RICTOR: variants seen among roughly 807,000 people sequenced by gnomAD.
The protein encoded by RICTOR is RPTOR independent companion of MTOR complex 2.
RICTOR carries 49 observed loss-of-function variants against 214.9 expected under a neutral mutation model. The ratio of observed to expected loss-of-function variants is 0.23; its 90% CI spans 0.18 to 0.29. The LOEUF (loss-of-function observed/expected upper bound fraction) is 0.29, where lower values mean the gene tolerates loss of function less well. Among genes scored for constraint, RICTOR ranks in the 10% least tolerant of loss-of-function variants. The pLI, the probability that RICTOR is intolerant of heterozygous loss-of-function variation, is 1.00. For synonymous variants in RICTOR, 717 were observed against 711.3 expected, an observed-to-expected ratio of 1.01 and a Z score of -0.13; for missense variants, 1,625 against 2,047.0, an observed-to-expected ratio of 0.79 and a Z score of 3.98.
In RICTOR at chr5:38,987,612, A is replaced by G. The variant is rs1244542904; in HGVS notation, c.583+3337T>C. ...TTGATTCTTCTCTCTTTTCTTCTTT[A>G]TTAGTCTGGCTAGCGGTCTATTTTG... is the stretch of plus-strand genomic sequence containing the variant. On this transcript the variant is annotated intron_variant, in intron 7 of 37. Transcript: ENST00000357387. Among the ~76,000 whole-genome samples, 4 of 150,608 alleles carry G rather than the reference A, an allele frequency of 2.7e-5. No individual in the cohort carries two copies. In the Admixed American group the frequency reaches 2.7e-4, roughly 10 times the overall value.
In RICTOR at chr5:39,003,566, G is replaced by A. The variant is rs1385665273; in HGVS notation, c.252C>T (p.Ile84=). The change falls in exon 4 of 38, where the codon ATC becomes ATT. Residue 84 remains isoleucine, a synonymous_variant. Coordinates refer to ENST00000357387, the MANE Select transcript of RICTOR (RefSeq NM_152756.5). ...EEKLGFHYED[I]IICLRLALLN... ...GAATGAACCACACTTACCAAATTATGATATCCTCATAGTGAAAGCCCAGTT... is the reference window on the plus strand; with the variant it reads ...GAATGAACCACACTTACCAAATTATAATATCCTCATAGTGAAAGCCCAGTT... The A allele has an allele frequency of 1.2e-6, 2 of 1,603,514 alleles. No homozygotes were observed. Among genetic ancestry groups the A allele is most frequent in the Non-Finnish European group, 1.7e-6 (2 of 1,171,902 alleles).
intron 3 of RICTOR, among the ~76,000 whole-genome samples, chr5:39,019,835 T>C (rs1351837996): frequency 1.3e-5 from 2 of 152,218 alleles, no homozygotes; most frequent in East Asian, 3.8e-4. Context: ...ATTCCTCTGA[T>C]GGATCTGGGC....
intron 25 of RICTOR, among the ~76,000 whole-genome samples, chr5:38,957,200 G>A (rs1749332198): frequency 6.6e-6 from 1 of 152,118 alleles, no homozygotes; most frequent in African/African-American, 2.4e-5. Context: ...TTCATTCTCA[G>A]ATTTAGGTAA....
At chr5:38,954,723 GT>G (rs35716624) in intron 27 of RICTOR, 50 bp downstream of exon 27, 1,880 of 973,782 alleles carry the variant, frequency 1.9e-3, no homozygotes, top group Non-Finnish European at 2.3e-3. Flanking sequence ...TTAAGATTTT[GT>G]TTTTTTTTTA....
chr5:39,068,806 G>C (rs1310300415), intron 2 of RICTOR, among the ~76,000 whole-genome samples: 1 of 152,192 alleles, frequency 6.6e-6, no homozygotes, highest in African/African-American at 2.4e-5. Flanking sequence ...CAGATCTCTA[G>C]CTTGAATAAC....
At chr5:39,069,311 T>C (rs1759137030) in intron 2 of RICTOR, among the ~76,000 whole-genome samples, 2 of 152,174 alleles carry the variant, frequency 1.3e-5, no homozygotes, top group Admixed American at 1.3e-4. Context: ...TATCTCCCAC[T>C]TTCAGCCCAT....
intron 2 of RICTOR, among the ~76,000 whole-genome samples, chr5:39,032,817 G>A (rs1173514729): frequency 1.3e-5 from 2 of 152,206 alleles, no homozygotes; most frequent in African/African-American, 2.4e-5. Context: ...CAGAGACAGA[G>A]CAACATGGAC....
chr5:39,000,629 C>G (rs1234613803), intron 5 of RICTOR, among the ~76,000 whole-genome samples: 1 of 151,840 alleles, frequency 6.6e-6, no homozygotes, highest in African/African-American at 2.4e-5. Context: ...GTGCAATATT[C>G]TAACTCATGT....
intron 2 of RICTOR, among the ~76,000 whole-genome samples, chr5:39,055,901 G>A (rs1467828304): frequency 6.6e-6 from 1 of 152,108 alleles, no homozygotes; most frequent in African/African-American, 2.4e-5. Flanking sequence ...AAACAGATTT[G>A]CAAGTATTTC....
chr5:39,027,776 G>C (rs892574453), intron 2 of RICTOR, among the ~76,000 whole-genome samples: 1 of 152,102 alleles, frequency 6.6e-6, no homozygotes, highest in African/African-American at 2.4e-5. Context: ...CAGAACAATA[G>C]AAAGCAGTCT....
In RICTOR at chr5:39,058,931, A is replaced by G. The variant is rs910647672; in HGVS notation, c.97+15180T>C. ...CAAAAAAAAGTTCACCTATCTAGAC[A>G]TATTATTAACTGGCCAAAACCTGTT... On this transcript the variant is annotated intron_variant, in intron 2 of 37. Transcript: ENST00000357387. Among the ~76,000 whole-genome samples, 3 of 152,152 alleles carry G rather than the reference A, an allele frequency of 2.0e-5. No individual in the cohort carries two copies. The East Asian group carries it at 5.8e-4, about 29-fold the overall frequency.
At position 38,975,611 on chromosome 5, in the gene RICTOR, G is replaced by C. The variant is rs200899782; in HGVS notation, c.822-7C>G. 11 of 1,611,690 alleles carry C rather than the reference G, an allele frequency of 6.8e-6. No homozygotes were observed. In the Admixed American group the frequency reaches 1.7e-4, roughly 24 times the overall value. Reference sequence around the variant, plus strand: ...TCGTGCTTCTCTGTCTTCTCTGTTGGGGGTGGGGAGGCAGCGGGGAGAATC... The same window carrying C: ...TCGTGCTTCTCTGTCTTCTCTGTTGCGGGTGGGGAGGCAGCGGGGAGAATC... On this transcript the variant is annotated splice_polypyrimidine_tract_variant and splice_region_variant and intron_variant, in intron 9 of 37. Coordinates refer to ENST00000357387, the MANE Select transcript of RICTOR (RefSeq NM_152756.5).
Position 38,942,009 on chromosome 5 carries a change from T to C in RICTOR, c.*295A>G, listed in dbSNP as rs775125617. On this transcript the variant is annotated 3_prime_UTR_variant, in exon 38 of 38. Transcript: ENST00000357387. Reference sequence around the variant, plus strand: ...ATTATGCTTTTAAAATGAAAGAAAATAGAAAACCTATGTAGGTATTCAGTG... The same window carrying C: ...ATTATGCTTTTAAAATGAAAGAAAACAGAAAACCTATGTAGGTATTCAGTG... 4 of 287,782 alleles carry C rather than the reference T, an allele frequency of 1.4e-5. No individual in the cohort carries two copies. Among genetic ancestry groups the C allele is most frequent in the Non-Finnish European group, 2.6e-5 (4 of 155,502 alleles). 17.8% of individuals were successfully genotyped at this position (287,782 alleles called of 1,614,324 possible).
At chr5:38,948,042 C>T (rs541105476) in intron 31 of RICTOR, among the ~76,000 whole-genome samples, 1 of 152,138 alleles carries the variant, frequency 6.6e-6, no homozygotes, top group East Asian at 1.9e-4. Flanking sequence ...CAATGTACTC[C>T]TTACTACTAG....
At chr5:38,986,742 G>C (rs1752200835) in intron 7 of RICTOR, among the ~76,000 whole-genome samples, 1 of 152,156 alleles carries the variant, frequency 6.6e-6, no homozygotes, top group African/African-American at 2.4e-5. Context: ...GTCCTGGCCA[G>C]AACTTCTAAT....
chr5:38,996,786 A>T (rs758133471), intron 6 of RICTOR, 33 bp downstream of exon 6: 31 of 1,374,488 alleles, frequency 2.3e-5, no homozygotes, highest in Middle Eastern at 1.8e-4. Context: ...AAAAACCATA[A>T]ATTTGCCTTT....
At chr5:39,029,482 C>A (rs1756105602) in intron 2 of RICTOR, among the ~76,000 whole-genome samples, 1 of 151,984 alleles carries the variant, frequency 6.6e-6, no homozygotes, top group Admixed American at 6.5e-5. Flanking sequence ...TAACTTGCTG[C>A]AATAAACTAT....
intron 7 of RICTOR, among the ~76,000 whole-genome samples, chr5:38,990,665 A>ATATATATCAGATATATCATAGATAT: frequency 1.1e-4 from 1 of 8,774 alleles, no homozygotes; most frequent in South Asian, 3.6e-3. Flanking sequence ...GATATATATC[A>ATATATATCAGATATATCATAGATAT]GATATATATC....
At chr5:38,944,323 T>G in intron 36 of RICTOR, 123 bp downstream of exon 36, 1 of 932,830 alleles carries the variant, frequency 1.1e-6, no homozygotes, top group Non-Finnish European at 1.7e-6. Context: ...CACACAGGTA[T>G]GCAATGCAGT....
Sources: gnomAD v4.1 joint callset for allele counts (sites outside exome capture counted in the v4.1 genomes callset) on GRCh38, gnomAD v4.1.1 for gene constraint, MANE v1.5 for transcripts, NCBI Gene and HGNC (gene_info 2026-07-23, HGNC 2026-07-21) for gene names.